MAP4: variants seen among roughly 807,000 people sequenced by gnomAD.
The protein encoded by MAP4 is microtubule associated protein 4.
In MAP4, 76 loss-of-function variants were observed where a neutral mutation model predicts 170.2. That is an observed-to-expected ratio of 0.45 (90% CI 0.37 to 0.54). The LOEUF (loss-of-function observed/expected upper bound fraction) is 0.54. Among genes scored for constraint, MAP4 ranks in the 20% least tolerant of loss-of-function variants. MAP4 has a pLI of 0.00. For synonymous variants in MAP4, 909 were observed against 994.5 expected (o/e 0.91, Z 1.62); for missense variants, 2,506 against 2,748.0 (o/e 0.91, Z 1.97).
chr3:47,996,737 G>GACACACACACACACAC lies in MAP4; in HGVS notation c.223+1885_223+1900dup, dbSNP rs57673370. On this transcript the variant is annotated intron_variant, in intron 2 of 20. Coordinates refer to ENST00000683076, the MANE Select transcript of MAP4 (RefSeq NM_001385682.1). ...GATCCAGCATTCAATCAAAAACTAAGACACACACACACACACACACACACA... is the reference window on the plus strand; with the variant it reads ...GATCCAGCATTCAATCAAAAACTAAGACACACACACACACACACACACACACACACACACACACACA... Among the ~76,000 whole-genome samples, 645 of 146,520 alleles carry GACACACACACACACAC rather than the reference G, an allele frequency of 4.4e-3. 4 individuals carry two copies. The highest frequency in any genetic ancestry group is 0.016 in the African/African-American group (610 of 39,162).
chr3:47,936,980 CAA>C (rs10711611), intron 3 of MAP4, among the ~76,000 whole-genome samples: 79 of 94,390 alleles, frequency 8.4e-4, no homozygotes, highest in South Asian at 3.8e-3. Context: ...AACTCCGTCT[CAA>C]AAAAAAAAAA....
rs752979757 is a variant in MAP4 at position 47,928,288 on chromosome 3, A to G, written c.355T>C (p.Trp119Arg). The G allele has an allele frequency of 6.2e-7, 1 of 1,614,062 alleles. No homozygotes were observed. The highest frequency in any genetic ancestry group is 1.3e-5 in the African/African-American group (1 of 74,934). Residue 119 changes from tryptophan (W) to arginine (R), a missense_variant, in exon 4 of 21, where the codon TGG becomes CGG. Trp to Arg is a moderately radical substitution (Grantham distance 101, BLOSUM62 -3). This residue lies in a region of MAP4 where 2,008 missense variants were observed against 2,206.0 expected (regional missense o/e 0.91). Transcript: ENST00000683076. ...AYQEYPNSQN[W>R]PEDTNFCFQP... ...AAACAAAAGTTGGTATCTTCTGGCC[A>G]GTTCTGGCTATTTGGGTATTCCTGG...
intron 1 of MAP4, among the ~76,000 whole-genome samples, chr3:48,013,083 A>G (rs973434166): frequency 3.3e-5 from 5 of 152,108 alleles, no homozygotes; most frequent in African/African-American, 1.2e-4. Flanking sequence ...TAAATGCTCT[A>G]TAGATGTTAA....
At chr3:47,853,542 G>A (rs543625950) in intron 19 of MAP4, among the ~76,000 whole-genome samples, 190 bp from the exon 20 acceptor site, 209 of 124,720 alleles carry the variant, frequency 1.7e-3, no homozygotes, top group African/African-American at 5.6e-3. Flanking sequence ...CTGGGAGACC[G>A]ACTCCCGAGG....
chr3:47,975,749 C>T, intron 3 of MAP4, among the ~76,000 whole-genome samples: 1 of 151,990 alleles, frequency 6.6e-6, no homozygotes, highest in East Asian at 1.9e-4. Flanking sequence ...CCTCCCTCCA[C>T]CTTCCCTCCC....
At chr3:48,084,072 G>C (rs769919836) in intron 1 of MAP4, among the ~76,000 whole-genome samples, 1 of 151,704 alleles carries the variant, frequency 6.6e-6, no homozygotes, top group Non-Finnish European at 1.5e-5. Flanking sequence ...ATAGCTGGTC[G>C]CAGCGGGAGT....
intron 1 of MAP4, among the ~76,000 whole-genome samples, chr3:48,065,002 C>T (rs2100137673): frequency 6.6e-6 from 1 of 152,140 alleles, no homozygotes; most frequent in Non-Finnish European, 1.5e-5. Flanking sequence ...TGGTAGTGTG[C>T]ACGTGTAGTC....
chr3:47,909,291 A>G lies in MAP4; in HGVS notation c.5130T>C (p.Asp1710=). ...KVEAPPSEVA[D]TLVIMTASKG... ...TGGAAGCAGTCATTATTACTAACGT[A>G]TCCGCCACCTCTGAAGGAGGAGCTT... is the stretch of plus-strand genomic sequence containing the variant. The change falls in exon 9 of 21, where the codon GAT becomes GAC. Residue 1710 remains aspartate (D), a synonymous_variant. Transcript: ENST00000683076. 3 of 1,613,880 alleles carry G rather than the reference A, an allele frequency of 1.9e-6. No individual in the cohort carries two copies. The highest frequency in any genetic ancestry group is 2.5e-6 in the Non-Finnish European group (3 of 1,179,834).
chr3:47,965,072 T>A (rs1313227373), intron 3 of MAP4, among the ~76,000 whole-genome samples: 2 of 152,246 alleles, frequency 1.3e-5, no homozygotes, highest in Non-Finnish European at 2.9e-5. Context: ...TAAATTTGAC[T>A]ACTTAAGGTA....
intron 3 of MAP4, among the ~76,000 whole-genome samples, chr3:47,933,154 G>A (rs999585327): frequency 6.6e-6 from 1 of 152,096 alleles, no homozygotes; most frequent in African/African-American, 2.4e-5. Context: ...TATATTGTAT[G>A]ATTCCATTTA....
At chr3:48,007,676 C>CTTT (rs35776561) in intron 1 of MAP4, among the ~76,000 whole-genome samples, 2 of 140,382 alleles carry the variant, frequency 1.4e-5, no homozygotes, top group South Asian at 2.3e-4. Context: ...AACTACTCTC[C>CTTT]TTTTTTTTTT....
In MAP4 at chr3:47,940,845, G is replaced by T. The variant is rs1177416866; in HGVS notation, c.293-12495C>A. Among the ~76,000 whole-genome samples the T allele has an allele frequency of 2.6e-5, 4 of 152,236 alleles. No individual in the cohort carries two copies. In the East Asian group the frequency reaches 7.7e-4, roughly 29 times the overall value. ...CCCTGTAAACCACAGCACTTTGGGA[G>T]GCTGAGGTGGGAGAACTGCTTGAGA... On this transcript the variant is annotated intron_variant, in intron 3 of 20. Coordinates refer to ENST00000683076, the MANE Select transcript of MAP4 (RefSeq NM_001385682.1).
At chr3:48,023,754 T>G (rs1329576450) in intron 1 of MAP4, among the ~76,000 whole-genome samples, 1 of 152,204 alleles carries the variant, frequency 6.6e-6, no homozygotes, top group Non-Finnish European at 1.5e-5. Context: ...TGATGTATTT[T>G]TAATCATTTA....
intron 1 of MAP4, among the ~76,000 whole-genome samples, chr3:48,064,412 A>G (rs548973116): frequency 7.2e-5 from 11 of 152,134 alleles, no homozygotes; most frequent in African/African-American, 2.6e-4. Context: ...CTCCAACCCA[A>G]TCAATCAGAA....
intron 10 of MAP4, among the ~76,000 whole-genome samples, chr3:47,888,954 TACTC>T (rs1199756594): frequency 1.3e-5 from 2 of 152,170 alleles, no homozygotes; most frequent in Non-Finnish European, 2.9e-5. Flanking sequence ...AAGATATAAT[TACTC>T]ACTCATTGTC....
intron 1 of MAP4, among the ~76,000 whole-genome samples, chr3:48,001,232 G>A (rs1208816820): frequency 2.0e-5 from 3 of 152,270 alleles, no homozygotes; most frequent in South Asian, 2.1e-4. Flanking sequence ...GAATGCTGGA[G>A]ATAGTTTGTC....
At chr3:47,859,188 A>G (rs1197004435) in intron 17 of MAP4, among the ~76,000 whole-genome samples, 1 of 151,750 alleles carries the variant, frequency 6.6e-6, no homozygotes, top group African/African-American at 2.4e-5. Context: ...GGGTTGCTGG[A>G]TGGGGATTCC....
At chr3:47,933,562 C>T (rs1433593226) in intron 3 of MAP4, among the ~76,000 whole-genome samples, 1 of 150,980 alleles carries the variant, frequency 6.6e-6, no homozygotes, top group Non-Finnish European at 1.5e-5. Context: ...CTCAGCCTGC[C>T]AAGTAGCTGG....
intron 3 of MAP4, among the ~76,000 whole-genome samples, chr3:47,946,953 T>C (rs568373273): frequency 2.0e-5 from 3 of 152,180 alleles, no homozygotes; most frequent in Non-Finnish European, 4.4e-5. Context: ...AGAAATCACA[T>C]GTAAACATTA....
Sources: allele counts gnomAD v4.1 joint callset (sites outside exome capture counted in the v4.1 genomes callset), GRCh38; gene constraint gnomAD v4.1.1; regional missense constraint gnomAD v4.1.1; transcripts MANE v1.5; gene names NCBI Gene and HGNC (gene_info 2026-07-23, HGNC 2026-07-21).